The following GALNT17 variants were observed in gnomAD, a reference collection of about 807,000 sequenced individuals.
GALNT17 encodes the protein polypeptide N-acetylgalactosaminyltransferase 17, also known as UDP-GalNAc:polypeptide N-acetylgalactosaminyltransferase-like 3.
In GALNT17, 29 loss-of-function variants were observed where a neutral mutation model predicts 63.7. The observed-to-expected ratio is 0.46, with a 90% confidence interval of 0.34 to 0.62. The LOEUF is 0.62. Among genes scored for constraint, GALNT17 ranks in the 20% least tolerant of loss-of-function variants. The pLI is 0.01. For synonymous variants in GALNT17, 305 were observed against 318.3 expected (o/e 0.96, Z 0.45); for missense variants, 603 against 799.6 (o/e 0.75, Z 2.97).
chr7:71,137,407 G>A (rs1787806539), intron 1 of GALNT17, among the ~76,000 whole-genome samples: 1 of 152,154 alleles, frequency 6.6e-6, no homozygotes, highest in Non-Finnish European at 1.5e-5. Context: ...CCAAGGTGCT[G>A]GGATTACAGG....
At chr7:71,155,944 C>T (rs542192097) in intron 1 of GALNT17, among the ~76,000 whole-genome samples, 7 of 151,854 alleles carry the variant, frequency 4.6e-5, no homozygotes, top group Admixed American at 4.6e-4. Flanking sequence ...TGCCTGTAAT[C>T]CCAGCACTTT....
rs1293917148 is a variant in GALNT17 at position 71,445,020 on chromosome 7, A to G, written c.962+23915A>G. On this transcript the variant is annotated intron_variant, in intron 5 of 10. Coordinates refer to ENST00000333538, the MANE Select transcript of GALNT17 (RefSeq NM_022479.3). ...GGAGGGAAAGTGACAGGAGGGTTTT[A>G]TGGGGGAATGGAGAGGGGAGAGGGT... Among the ~76,000 whole-genome samples, 11 of 152,110 alleles carry G rather than the reference A, an allele frequency of 7.2e-5. No homozygotes were observed. The East Asian group carries it at 2.1e-3, about 30-fold the overall frequency.
chr7:71,679,349 G>C (rs1256761709), intron 9 of GALNT17, among the ~76,000 whole-genome samples: 1 of 152,262 alleles, frequency 6.6e-6, no homozygotes. Flanking sequence ...AGTGAGCCAT[G>C]ATCATGCCAC....
chr7:71,392,524 C>G (rs1251265304), intron 3 of GALNT17, among the ~76,000 whole-genome samples: 3 of 152,160 alleles, frequency 2.0e-5, no homozygotes, highest in African/African-American at 7.2e-5. Context: ...TTCTTATAAG[C>G]TCCTATTTGA....
At chr7:71,492,136 G>A (rs185251864) in intron 5 of GALNT17, among the ~76,000 whole-genome samples, 16 of 152,144 alleles carry the variant, frequency 1.1e-4, no homozygotes, top group Admixed American at 7.9e-4. Context: ...AAAATTAGTC[G>A]GGCGTGGTGG....
chr7:71,471,708 A>G (rs1375356450), intron 5 of GALNT17, among the ~76,000 whole-genome samples: 2 of 152,174 alleles, frequency 1.3e-5, no homozygotes, highest in East Asian at 3.9e-4. Context: ...TTAGCAAACA[A>G]GAGCCTTCCA....
intron 5 of GALNT17, among the ~76,000 whole-genome samples, chr7:71,438,381 G>T (rs1787005040): frequency 6.6e-6 from 1 of 152,158 alleles, no homozygotes; most frequent in Admixed American, 6.5e-5. Flanking sequence ...AGCCATGCTG[G>T]TTAGTGCCCA....
In GALNT17 at chr7:71,569,031, G is replaced by A. The variant is rs536350871; in HGVS notation, c.963-2254G>A. ...CTGTTGCCCAGGCTGGAGTGCAGTG[G>A]TGCGATCTCAGCTCACTGTAACCTC... On this transcript the variant is annotated intron_variant, in intron 5 of 10. Coordinates refer to ENST00000333538, the MANE Select transcript of GALNT17 (RefSeq NM_022479.3). 2.0e-5 allele frequency among the ~76,000 whole-genome samples: 3 copies of A among 152,268 alleles called. No individual in the cohort carries two copies. In the East Asian group the frequency reaches 5.8e-4, roughly 29 times the overall value.
intron 1 of GALNT17, among the ~76,000 whole-genome samples, chr7:71,234,656 G>C (rs752782557): frequency 1.4e-4 from 21 of 152,200 alleles, no homozygotes; most frequent in African/African-American, 1.9e-4. Context: ...AAACTGAGCT[G>C]CCTGTCCTGG....
chr7:71,294,409 C>CTTTTTTTTTTTTT (rs869086513), intron 1 of GALNT17, among the ~76,000 whole-genome samples: 2 of 91,918 alleles, frequency 2.2e-5, no homozygotes, highest in Non-Finnish European at 1.9e-5. Context: ...CTCATAAGTC[C>CTTTTTTTTTTTTT]TTTTTTTTTT....
chr7:71,242,261 TTTTTC>T (rs1790010473), intron 1 of GALNT17, among the ~76,000 whole-genome samples: 1 of 132,446 alleles, frequency 7.6e-6, no homozygotes, highest in African/African-American at 3.1e-5. Flanking sequence ...TTTTTTTTTC[TTTTTC>T]TTTTTCTTTT....
At chr7:71,339,442 T>A (rs1791969512) in intron 2 of GALNT17, among the ~76,000 whole-genome samples, 1 of 152,174 alleles carries the variant, frequency 6.6e-6, no homozygotes, top group Admixed American at 6.5e-5. Flanking sequence ...ATCCTGGCAC[T>A]TTGGGAGGCT....
At chr7:71,254,489 T>G (rs1790255234) in intron 1 of GALNT17, among the ~76,000 whole-genome samples, 1 of 152,202 alleles carries the variant, frequency 6.6e-6, no homozygotes, top group Non-Finnish European at 1.5e-5. Flanking sequence ...TTTCAGGGCC[T>G]CCCATCTATC....
intron 6 of GALNT17, among the ~76,000 whole-genome samples, chr7:71,615,406 C>G (rs1183403707): frequency 6.6e-6 from 1 of 151,678 alleles, no homozygotes; most frequent in Non-Finnish European, 1.5e-5. Context: ...GCTTTTCCAG[C>G]CTGTGCAGTA....
intron 5 of GALNT17, among the ~76,000 whole-genome samples, chr7:71,474,576 T>C (rs935154680): frequency 6.6e-6 from 1 of 152,188 alleles, no homozygotes; most frequent in Admixed American, 6.5e-5. Flanking sequence ...ATTCAACTTA[T>C]TAATTCATGG....
intron 5 of GALNT17, among the ~76,000 whole-genome samples, chr7:71,467,555 T>G (rs904871396): frequency 6.6e-6 from 1 of 151,772 alleles, no homozygotes; most frequent in African/African-American, 2.4e-5. Flanking sequence ...TAGGAACATC[T>G]CACTTTCTGT....
chr7:71,465,583 G>A (rs4236251), intron 5 of GALNT17, among the ~76,000 whole-genome samples: 145,260 of 152,284 alleles, frequency 0.95, 69,286 homozygotes, highest in Admixed American at 0.96. Context: ...ACAGAAGAAT[G>A]TGGCGGAAGC....
At chr7:71,376,230 G>A (rs1410151284) in intron 2 of GALNT17, among the ~76,000 whole-genome samples, 4 of 151,810 alleles carry the variant, frequency 2.6e-5, no homozygotes, top group East Asian at 1.9e-4. Flanking sequence ...TTGTCCCCTC[G>A]TTTGACATGT....
intron 5 of GALNT17, among the ~76,000 whole-genome samples, chr7:71,442,886 C>A (rs528280627): frequency 6.6e-6 from 1 of 152,218 alleles, no homozygotes; most frequent in East Asian, 1.9e-4. Flanking sequence ...GTAGGATGCC[C>A]CAGTCAGTAT....
Sources: gnomAD v4.1 joint callset for allele counts (sites outside exome capture counted in the v4.1 genomes callset) on GRCh38, gnomAD v4.1.1 for gene constraint, MANE v1.5 for transcripts, NCBI Gene and HGNC (gene_info 2026-07-23, HGNC 2026-07-21) for gene names.